CAB39L: variants seen among roughly 807,000 people sequenced by gnomAD.
CAB39L encodes calcium binding protein 39 like, also known as calcium-binding protein 39-like.
Under a neutral mutation model 39.1 loss-of-function variants are expected in CAB39L, and 23 were observed. The ratio of observed to expected loss-of-function variants is 0.59; its 90% confidence interval spans 0.42 to 0.83. The LOEUF is 0.83. Among genes scored for constraint, CAB39L ranks in the 40% least tolerant of loss-of-function variants. The pLI, the probability that CAB39L is intolerant of heterozygous loss-of-function variation, is 0.00. For synonymous variants in CAB39L, 126 were observed against 137.2 expected, an observed-to-expected ratio of 0.92 and a Z score of 0.57; for missense variants, 366 against 391.9, an observed-to-expected ratio of 0.93 and a Z score of 0.56.
At chr13:49,346,124 T>TATATA (rs71076079) in intron 7 of CAB39L, among the ~76,000 whole-genome samples, 8 of 116,760 alleles carry the variant, frequency 6.9e-5, no homozygotes, top group African/African-American at 1.1e-4. Flanking sequence ...TATATATATA[T>TATATA]CATGGATACA....
At chr13:49,326,444 T>A (rs33998846) in intron 10 of CAB39L, among the ~76,000 whole-genome samples, 2 of 152,070 alleles carry the variant, frequency 1.3e-5, no homozygotes, top group Admixed American at 6.5e-5. Context: ...TGCTCACCAA[T>A]AGTAGGAAGC....
chr13:49,331,879 G>A (rs1413867207), intron 10 of CAB39L, 68 bp downstream of exon 10: 1 of 1,412,704 alleles, frequency 7.1e-7, no homozygotes, highest in Non-Finnish European at 1.0e-6. Context: ...TAAAGAGCAG[G>A]GAGTTTGCCA....
At chr13:49,434,501 G>C (rs1010675999) in intron 1 of CAB39L, among the ~76,000 whole-genome samples, 1 of 151,942 alleles carries the variant, frequency 6.6e-6, no homozygotes, top group Admixed American at 6.6e-5. Context: ...TCAGTCAAAC[G>C]AATTTCCAGA....
At chr13:49,417,657 T>C (rs960319633) in intron 3 of CAB39L, among the ~76,000 whole-genome samples, 1 of 151,518 alleles carries the variant, frequency 6.6e-6, no homozygotes, top group African/African-American at 2.4e-5. Flanking sequence ...AAAATAACAA[T>C]AAAATACACC....
At chr13:49,358,342 A>C (rs1461247611) in intron 6 of CAB39L, among the ~76,000 whole-genome samples, 1 of 152,232 alleles carries the variant, frequency 6.6e-6, no homozygotes, top group African/African-American at 2.4e-5. Flanking sequence ...ATTATGATAA[A>C]GTTTATTAGG....
At chr13:49,351,148 C>G in intron 6 of CAB39L, 1 of 326,510 alleles carries the variant, frequency 3.1e-6, no homozygotes, top group Non-Finnish European at 5.5e-6. Flanking sequence ...ATGGTGACAG[C>G]TGGGGGTGGG....
At chr13:49,359,233 G>A (rs1300178996) in intron 6 of CAB39L, among the ~76,000 whole-genome samples, 2 of 152,042 alleles carry the variant, frequency 1.3e-5, no homozygotes, top group Non-Finnish European at 2.9e-5. Flanking sequence ...CACCCACCTC[G>A]ACTTCAGTTT....
Position 49,310,878 on chromosome 13 carries a change from T to G in CAB39L, c.950A>C (p.Gln317Pro). Residue 317 changes from glutamine (Q) to proline (P), a missense_variant, in exon 11 of 11, where the codon CAG becomes CCG. Physicochemically the swap from Gln to Pro is moderately conservative, Grantham distance 76 (BLOSUM62 -1). Coordinates refer to ENST00000409308, the MANE Select transcript of CAB39L (RefSeq NM_001079670.3). ...CAAGTAGTTCTTCTCGTCAGCGAAC[T>G]GCTCATCATCCGTCCTTTCTTTTTG... ...SFQKERTDDEQFADEKNYLIK... is the reference protein window; with the variant it reads ...SFQKERTDDEPFADEKNYLIK... 1.2e-6 allele frequency: 2 copies of G among 1,614,232 alleles called. No individual in the cohort carries two copies. Among genetic ancestry groups the G allele is most frequent in the Non-Finnish European group, 1.7e-6 (2 of 1,180,042 alleles).
In CAB39L at chr13:49,324,311, T is replaced by C. The variant is rs147917403; in HGVS notation, c.834+7636A>G. Among the ~76,000 whole-genome samples, 509 of 152,148 alleles carry C rather than the reference T, an allele frequency of 3.3e-3. 2 individuals carry two copies. Among genetic ancestry groups the C allele is most frequent in the African/African-American group, 0.011 (473 of 41,522 alleles). Reference sequence around the variant, plus strand: ...AAGCCTGGGTGACAGAGCGAGACTCTGTCTCAAATAAAAAATAAATAAATA... The same window carrying C: ...AAGCCTGGGTGACAGAGCGAGACTCCGTCTCAAATAAAAAATAAATAAATA... On this transcript the variant is annotated intron_variant, in intron 10 of 10. Transcript: ENST00000409308.
intron 5 of CAB39L, among the ~76,000 whole-genome samples, chr13:49,364,965 C>T (rs1955734670): frequency 6.6e-6 from 1 of 151,954 alleles, no homozygotes; most frequent in Admixed American, 6.6e-5. Context: ...TACATGGAAC[C>T]ACAAAAAACC....
At chr13:49,331,484 C>CA (rs1954696610) in intron 10 of CAB39L, among the ~76,000 whole-genome samples, 3 of 151,482 alleles carry the variant, frequency 2.0e-5, no homozygotes, top group South Asian at 2.1e-4. Flanking sequence ...AAACAAAAAA[C>CA]AAAAAAACCA....
At chr13:49,354,189 G>GT (rs968477857) in intron 6 of CAB39L, among the ~76,000 whole-genome samples, 4 of 152,146 alleles carry the variant, frequency 2.6e-5, no homozygotes, top group Non-Finnish European at 5.9e-5. Flanking sequence ...TCAAAAGAAT[G>GT]TTTTTAAAAA....
At position 49,310,989 on chromosome 13, in the gene CAB39L, A is replaced by G; in HGVS notation, c.839T>C (p.Phe280Ser). The G allele has an allele frequency of 1.2e-6, 2 of 1,612,560 alleles. No homozygotes were observed. The highest frequency in any genetic ancestry group is 1.7e-6 in the Non-Finnish European group (2 of 1,179,054). ...CTGTGTTTTGTGAGGACTGGCCACAAACACCTGAAACAAAAAGAAACAAAT... is the reference window on the plus strand; with the variant it reads ...CTGTGTTTTGTGAGGACTGGCCACAGACACCTGAAACAAAAAGAAACAAAT... ...QFEAFHVFKV[F>S]VASPHKTQPI... The change falls in exon 11 of 11, where the codon TTT becomes TCT. Residue 280 changes from phenylalanine (F) to serine (S), a missense_variant. Physicochemically the swap from Phe to Ser is radical, Grantham distance 155 (BLOSUM62 -2). Transcript: ENST00000409308.
At chr13:49,417,293 G>A (rs998040252) in intron 3 of CAB39L, among the ~76,000 whole-genome samples, 2 of 152,256 alleles carry the variant, frequency 1.3e-5, no homozygotes, top group Admixed American at 6.5e-5. Context: ...TGTAATCAAC[G>A]CTGCAATTCA....
intron 5 of CAB39L, among the ~76,000 whole-genome samples, chr13:49,364,050 G>A (rs1955703908): frequency 6.6e-6 from 1 of 151,980 alleles, no homozygotes; most frequent in Non-Finnish European, 1.5e-5. Context: ...CAGATTTCAA[G>A]ACAAAAACTG....
At chr13:49,334,495 C>T (rs1360762308) in intron 9 of CAB39L, among the ~76,000 whole-genome samples, 1 of 152,212 alleles carries the variant, frequency 6.6e-6, no homozygotes, top group Non-Finnish European at 1.5e-5. Flanking sequence ...ACTTTCACCT[C>T]TTCTCTGCCT....
chr13:49,412,465 C>T (rs1267500664), intron 3 of CAB39L, among the ~76,000 whole-genome samples: 5 of 151,844 alleles, frequency 3.3e-5, no homozygotes, highest in Admixed American at 3.3e-4. Flanking sequence ...AGTTGATAAA[C>T]ATGCAAAATC....
In CAB39L at chr13:49,344,209, T is replaced by C. The variant is rs775000587; in HGVS notation, c.594A>G (p.Val198=). ...KDLLTRHKVL[V]ADFLEQNYDT... ...CGTAATTTTGTTCTAAGAAGTCTGCTACCAACACTTTATGTCTGGTTAGTA... is the reference window on the plus strand; with the variant it reads ...CGTAATTTTGTTCTAAGAAGTCTGCCACCAACACTTTATGTCTGGTTAGTA... Residue 198 remains valine, a synonymous_variant, in exon 8 of 11, where the codon GTA becomes GTG. Coordinates refer to ENST00000409308, the MANE Select transcript of CAB39L (RefSeq NM_001079670.3). 3 of 1,601,536 alleles carry C rather than the reference T, an allele frequency of 1.9e-6. No homozygotes were observed. The highest frequency in any genetic ancestry group is 2.6e-6 in the Non-Finnish European group (3 of 1,169,296).
intron 1 of CAB39L, among the ~76,000 whole-genome samples, chr13:49,442,257 T>A (rs1404427838): frequency 6.6e-6 from 1 of 152,192 alleles, no homozygotes; most frequent in East Asian, 1.9e-4. Context: ...AATATAATGA[T>A]GGGATGTGTC....
Sources: gnomAD v4.1 joint callset for allele counts (sites outside exome capture counted in the v4.1 genomes callset) on GRCh38, gnomAD v4.1.1 for gene constraint, MANE v1.5 for transcripts, NCBI Gene and HGNC (gene_info 2026-07-23, HGNC 2026-07-21) for gene names.